The following ADCY1 variants were observed in gnomAD, a reference collection of about 807,000 sequenced individuals.
ADCY1 encodes adenylate cyclase 1, also known as adenylate cyclase type 1.
ADCY1 carries 28 observed loss-of-function variants against 105.4 expected under a neutral mutation model. The ratio of observed to expected loss-of-function variants is 0.27; its 90% CI spans 0.20 to 0.36. The LOEUF (loss-of-function observed/expected upper bound fraction) is 0.36, where lower values mean the gene tolerates loss of function less well. Among genes scored for constraint, ADCY1 ranks in the 10% least tolerant of loss-of-function variants. The pLI, the probability that ADCY1 is intolerant of heterozygous loss-of-function variation, is 1.00. For synonymous variants in ADCY1, 655 were observed against 623.8 expected, an observed-to-expected ratio of 1.05 and a Z score of -0.75; for missense variants, 977 against 1,434.2, an observed-to-expected ratio of 0.68 and a Z score of 5.15.
intron 2 of ADCY1, among the ~76,000 whole-genome samples, chr7:45,599,979 G>A (rs570407604): frequency 6.6e-6 from 1 of 152,224 alleles, no homozygotes; most frequent in African/African-American, 2.4e-5. Flanking sequence ...GCAGATGGAG[G>A]TGGTGGCCAA....
At chr7:45,695,857 C>T (rs1784870510) in intron 14 of ADCY1, among the ~76,000 whole-genome samples, 2 of 152,236 alleles carry the variant, frequency 1.3e-5, no homozygotes, top group African/African-American at 4.8e-5. Context: ...AACTTGAGCA[C>T]AGCACAGTTT....
Position 45,679,808 on chromosome 7 carries a change from TG to T in ADCY1, c.1983+16del, listed in dbSNP as rs748735576. On this transcript the variant is annotated intron_variant, in intron 11 of 19. Transcript: ENST00000297323. ...CCCGGGTCCAGGTATGTGGGTGGCC[TG>T]TGTCCTGTACCTGCATATCACCTGG... is the stretch of plus-strand genomic sequence containing the variant. The T allele has an allele frequency of 1.2e-6, 2 of 1,613,814 alleles. No individual in the cohort carries two copies. Among genetic ancestry groups the T allele is most frequent in the South Asian group, 1.1e-5 (1 of 91,072 alleles).
At chr7:45,704,228 C>T (rs866797515) in intron 16 of ADCY1, among the ~76,000 whole-genome samples, 3 of 151,906 alleles carry the variant, frequency 2.0e-5, no homozygotes, top group African/African-American at 7.3e-5. Flanking sequence ...AGGCCCCCCC[C>T]ACCCCGACAG....
At chr7:45,626,059 G>A (rs1794054845) in intron 4 of ADCY1, among the ~76,000 whole-genome samples, 1 of 152,186 alleles carries the variant, frequency 6.6e-6, no homozygotes, top group Admixed American at 6.5e-5. Flanking sequence ...CCCCTAATGC[G>A]AGGCTCTCTG....
chr7:45,621,176 C>T (rs1050179098), intron 3 of ADCY1, among the ~76,000 whole-genome samples: 39 of 152,168 alleles, frequency 2.6e-4, no homozygotes, highest in African/African-American at 9.2e-4. Flanking sequence ...AGTGATCCTC[C>T]CACCTCAGCC....
chr7:45,639,277 A>G (rs772843128), intron 4 of ADCY1, among the ~76,000 whole-genome samples: 1 of 152,072 alleles, frequency 6.6e-6, no homozygotes, highest in Non-Finnish European at 1.5e-5. Context: ...TTAGATTTAC[A>G]TTTGCTTTAA....
intron 3 of ADCY1, among the ~76,000 whole-genome samples, chr7:45,614,012 AAGG>A (rs1793663048): frequency 6.6e-6 from 1 of 152,230 alleles, no homozygotes; most frequent in Non-Finnish European, 1.5e-5. Context: ...GCAAGGCAAA[AAGG>A]AGTTCTTACA....
At chr7:45,679,950 T>G (rs1344859524) in intron 11 of ADCY1, among the ~76,000 whole-genome samples, 157 bp downstream of exon 11, 2 of 150,552 alleles carry the variant, frequency 1.3e-5, no homozygotes, top group Non-Finnish European at 3.0e-5. Flanking sequence ...GTGGCCTGTG[T>G]CCTGTACCTG....
chr7:45,616,301 G>A (rs1266719782), intron 3 of ADCY1, among the ~76,000 whole-genome samples: 1 of 152,102 alleles, frequency 6.6e-6, no homozygotes, highest in Non-Finnish European at 1.5e-5. Flanking sequence ...TGAAGAGGAG[G>A]GAACACTTTG....
Position 45,678,080 on chromosome 7 carries a change from T to A in ADCY1, c.1800+17T>A. The A allele has an allele frequency of 6.2e-7, 1 of 1,613,934 alleles. No individual in the cohort carries two copies. The highest frequency in any genetic ancestry group is 8.5e-7 in the Non-Finnish European group (1 of 1,179,868). On this transcript the variant is annotated intron_variant, in intron 9 of 19. Coordinates refer to ENST00000297323, the MANE Select transcript of ADCY1 (RefSeq NM_021116.4). ...GAGCAAAAGGTAAGCAACTCTGGTT[T>A]TCGGCTTCCCTGGTGCTGCTTGCGA...
intron 17 of ADCY1, among the ~76,000 whole-genome samples, chr7:45,705,040 G>A (rs1344805742): frequency 6.7e-6 from 1 of 150,268 alleles, no homozygotes; most frequent in Non-Finnish European, 1.5e-5. Context: ...TAATTATTCT[G>A]AATAGGTCTA....
chr7:45,574,460 CCGCCCCGGCGCCGCCGCCCG>C lies in ADCY1; in HGVS notation c.-71_-52del, dbSNP rs1165686847. The C allele has an allele frequency of 1.6e-3, 303 of 191,486 alleles. No homozygotes were observed. The highest frequency in any genetic ancestry group is 8.3e-3 in the Middle Eastern group (3 of 360). The allele number at this position is 191,486 out of a possible 1,614,324, so 11.9% of individuals were successfully genotyped here. Reference sequence around the variant, plus strand: ...CGGCGCCTCGCCGCCCGCCGCCCGCCCGCCCCGGCGCCGCCGCCCGCGCCCCGGCGCCCCGGGCCGGCGAG... The same window carrying C: ...CGGCGCCTCGCCGCCCGCCGCCCGCCCGCCCCGGCGCCCCGGGCCGGCGAG... On this transcript the variant is annotated 5_prime_UTR_variant, in exon 1 of 20. Transcript: ENST00000297323. This position sits in a 1 kb window ranked among gnomAD's most constrained non-coding sequence, Gnocchi z 7.0.
Position 45,685,975 on chromosome 7 carries a change from C to G in ADCY1, c.2087C>G (p.Pro696Arg). ...VAQGCVVGCL[P>R]WAWSSKPNSS... The stretch of plus-strand genomic sequence containing the variant: ...CTCCCTTCCCAGGTGGGCTGCCTGC[C>G]TTGGGCCTGGAGCTCCAAGCCCAAC... Residue 696 changes from proline to arginine, a missense_variant, in exon 13 of 20, where the codon CCT becomes CGT. Pro to Arg is a moderately radical substitution (Grantham distance 103). Around this residue, in one of 7 missense-constraint regions of ADCY1, gnomAD observed 275 missense variants for 362.1 expected, o/e 0.76. Coordinates refer to ENST00000297323, the MANE Select transcript of ADCY1 (RefSeq NM_021116.4). 1 of 1,612,966 alleles carries G rather than the reference C, an allele frequency of 6.2e-7. No individual in the cohort carries two copies. The highest frequency in any genetic ancestry group is 8.5e-7 in the Non-Finnish European group (1 of 1,179,276).
chr7:45,699,979 GTC>G (rs1784966392), intron 14 of ADCY1, among the ~76,000 whole-genome samples: 2 of 152,164 alleles, frequency 1.3e-5, no homozygotes, highest in Admixed American at 1.3e-4. Flanking sequence ...GCCCCCCTTG[GTC>G]TCTCTGGTTA....
At chr7:45,681,379 C>G (rs993779750) in intron 11 of ADCY1, among the ~76,000 whole-genome samples, 1 of 152,186 alleles carries the variant, frequency 6.6e-6, no homozygotes, top group Non-Finnish European at 1.5e-5. Context: ...CCCTGGATGC[C>G]ACTAGCTCCT....
In ADCY1 at chr7:45,596,335, A is replaced by G. The variant is rs570658138; in HGVS notation, c.789+3427A>G. Among the ~76,000 whole-genome samples, 138 of 150,960 alleles carry G rather than the reference A, an allele frequency of 9.1e-4. No individual in the cohort carries two copies. The Middle Eastern group carries it at 0.017, about 19-fold the overall frequency. ...GTGATGGGAGTGGATTGGGGGATGC[A>G]CTGAGGTTCTGAGAGGGGATATGGG... On this transcript the variant is annotated intron_variant, in intron 2 of 19. Coordinates refer to ENST00000297323, the MANE Select transcript of ADCY1 (RefSeq NM_021116.4).
At chr7:45,665,078 G>T (rs1784200222) in intron 8 of ADCY1, among the ~76,000 whole-genome samples, 2 of 152,140 alleles carry the variant, frequency 1.3e-5, no homozygotes, top group South Asian at 4.1e-4. Flanking sequence ...ATGGTTTCCA[G>T]CTTCATCCAT....
intron 4 of ADCY1, among the ~76,000 whole-genome samples, chr7:45,635,613 T>TTG (rs1562699581): frequency 5.5e-4 from 77 of 139,132 alleles, no homozygotes; most frequent in African/African-American, 1.9e-3. Context: ...TTTTTTTTTT[T>TTG]TTTTTTTTTT....
intron 1 of ADCY1, among the ~76,000 whole-genome samples, chr7:45,590,711 C>T (rs1792889363): frequency 6.6e-6 from 1 of 152,050 alleles, no homozygotes; most frequent in Non-Finnish European, 1.5e-5. Context: ...GTGGAGATTT[C>T]AAGGTCACCT....
Sources: gnomAD v4.1 joint callset for allele counts (sites outside exome capture counted in the v4.1 genomes callset) on GRCh38, gnomAD v4.1.1 for gene constraint, gnomAD v4.1.1 regional missense constraint, Gnocchi (gnomAD v3.1) non-coding constraint, MANE v1.5 for transcripts, NCBI Gene and HGNC (gene_info 2026-07-23, HGNC 2026-07-21) for gene names.